The following PBX3 variants were observed in gnomAD, a reference collection of about 807,000 sequenced individuals.
The protein encoded by PBX3 is PBX homeobox 3.
In PBX3, 14 loss-of-function variants were observed where a neutral mutation model predicts 48.5. The ratio of observed to expected loss-of-function variants is 0.29; its 90% CI spans 0.19 to 0.45. The LOEUF is 0.45. Among genes scored for constraint, PBX3 ranks in the 20% least tolerant of loss-of-function variants. The pLI is 1.00. For synonymous variants in PBX3, 210 were observed against 200.3 expected, an observed-to-expected ratio of 1.05 and a Z score of -0.41; for missense variants, 386 against 546.7, an observed-to-expected ratio of 0.71 and a Z score of 2.93.
chr9:125,937,516 C>T (rs1356446708), intron 5 of PBX3, among the ~76,000 whole-genome samples: 1 of 151,988 alleles, frequency 6.6e-6, no homozygotes, highest in Non-Finnish European at 1.5e-5. Flanking sequence ...AAAAAGCAAA[C>T]TTTCTGACCT....
At chr9:125,839,839 T>A (rs1012290358) in intron 2 of PBX3, among the ~76,000 whole-genome samples, 21 of 152,180 alleles carry the variant, frequency 1.4e-4, no homozygotes, top group African/African-American at 3.6e-4. Flanking sequence ...CCTCCCTGTT[T>A]ATGGAATTGA....
chr9:125,802,611 C>T (rs1049562264), intron 2 of PBX3, among the ~76,000 whole-genome samples: 5 of 151,944 alleles, frequency 3.3e-5, no homozygotes, highest in East Asian at 1.9e-4. Context: ...TCAAGCCATC[C>T]GCCTGCTCAG....
At chr9:125,935,967 G>T (rs879406304) in intron 5 of PBX3, among the ~76,000 whole-genome samples, 1 of 152,134 alleles carries the variant, frequency 6.6e-6, no homozygotes, top group Non-Finnish European at 1.5e-5. Context: ...CTACCAGCAA[G>T]AAACCAATTT....
chr9:125,777,812 G>T (rs1837117659), intron 2 of PBX3, among the ~76,000 whole-genome samples: 1 of 152,082 alleles, frequency 6.6e-6, no homozygotes, highest in South Asian at 2.1e-4. Context: ...AAGGTAATTT[G>T]TGTGTTTCAA....
intron 8 of PBX3, 95 bp from the exon 9 acceptor site, chr9:125,965,736 C>A: frequency 2.3e-6 from 2 of 876,432 alleles, no homozygotes; most frequent in Non-Finnish European, 1.9e-6. Context: ...TTTGCTAATG[C>A]ATCTCTGCTC....
intron 2 of PBX3, among the ~76,000 whole-genome samples, chr9:125,899,212 TAC>T (rs1313749083): frequency 4.9e-5 from 6 of 121,896 alleles, no homozygotes; most frequent in Admixed American, 1.7e-4. Flanking sequence ...TTTATAAATA[TAC>T]ATATGTATAT....
intron 5 of PBX3, among the ~76,000 whole-genome samples, chr9:125,943,352 C>CAAAAAAAAAAAAAAAAAAAAAA (rs60326557): frequency 3.3e-5 from 2 of 60,880 alleles, no homozygotes; most frequent in African/African-American, 5.6e-5. Context: ...GAGACTGTCT[C>CAAAAAAAAAAAAAAAAAAAAAA]AAAAAAAAAA....
chr9:125,780,640 G>A (rs1348603347), intron 2 of PBX3, among the ~76,000 whole-genome samples: 2 of 132,756 alleles, frequency 1.5e-5, no homozygotes, highest in Admixed American at 7.3e-5. Context: ...CCGGGCGGGG[G>A]GCTGACCCCC....
chr9:125,893,251 A>T (rs984808869), intron 2 of PBX3, among the ~76,000 whole-genome samples: 2 of 152,242 alleles, frequency 1.3e-5, no homozygotes, highest in Non-Finnish European at 2.9e-5. Flanking sequence ...GATGTCCTAC[A>T]TAAGAATAAG....
intron 2 of PBX3, among the ~76,000 whole-genome samples, chr9:125,792,042 A>ACACGCACG (rs34328835): frequency 1.4e-5 from 2 of 143,152 alleles, no homozygotes; most frequent in Non-Finnish European, 3.0e-5. Flanking sequence ...CTACACACAC[A>ACACGCACG]CACGCACGCA....
intron 3 of PBX3, among the ~76,000 whole-genome samples, chr9:125,921,449 A>G (rs932595263): frequency 1.3e-5 from 2 of 152,200 alleles, no homozygotes; most frequent in African/African-American, 4.8e-5. Flanking sequence ...TATGAATTTC[A>G]TAAAATTACC....
chr9:125,949,483 G>T (rs776682777), intron 5 of PBX3: 5 of 1,550,018 alleles, frequency 3.2e-6, no homozygotes, highest in Non-Finnish European at 3.5e-6. Context: ...CCAGGGAGGG[G>T]CATGAGGGTG....
At chr9:125,899,896 C>T (rs181404928) in intron 2 of PBX3, among the ~76,000 whole-genome samples, 39 of 151,548 alleles carry the variant, frequency 2.6e-4, no homozygotes, top group Admixed American at 5.9e-4. Flanking sequence ...GTATATGTAA[C>T]GAATAAAGAA....
At chr9:125,791,809 G>T (rs1385477274) in intron 2 of PBX3, among the ~76,000 whole-genome samples, 1 of 151,830 alleles carries the variant, frequency 6.6e-6, no homozygotes, top group Non-Finnish European at 1.5e-5. Context: ...GGTGGCAGGC[G>T]CCTGTAGTCC....
At chr9:125,875,131 C>T (rs1179100002) in intron 2 of PBX3, among the ~76,000 whole-genome samples, 1 of 152,162 alleles carries the variant, frequency 6.6e-6, no homozygotes, top group Non-Finnish European at 1.5e-5. Flanking sequence ...TTTGGGGATA[C>T]ATGGAACTCC....
At chr9:125,947,098 TG>T in intron 5 of PBX3, among the ~76,000 whole-genome samples, 1 of 152,254 alleles carries the variant, frequency 6.6e-6, no homozygotes, top group East Asian at 1.9e-4. Context: ...CCTTTGATAG[TG>T]GAGGTGAAAT....
chr9:125,829,928 T>G, intron 2 of PBX3, among the ~76,000 whole-genome samples: 1 of 152,174 alleles, frequency 6.6e-6, no homozygotes, highest in East Asian at 1.9e-4. Context: ...ATTTACACAT[T>G]AGTTACCCAC....
At chr9:125,771,297 C>G (rs1836935548) in intron 2 of PBX3, among the ~76,000 whole-genome samples, 1 of 152,170 alleles carries the variant, frequency 6.6e-6, no homozygotes, top group African/African-American at 2.4e-5. Flanking sequence ...TCAAACAATG[C>G]TGTAAACTTT....
chr9:125,938,849 T>A (rs567938364), intron 5 of PBX3, among the ~76,000 whole-genome samples: 1 of 152,326 alleles, frequency 6.6e-6, no homozygotes, highest in African/African-American at 2.4e-5. Flanking sequence ...AATTGATAAT[T>A]GTACTATGGT....
Sources: gnomAD v4.1 joint callset for allele counts (sites outside exome capture counted in the v4.1 genomes callset) on GRCh38, gnomAD v4.1.1 for gene constraint, MANE v1.5 for transcripts, NCBI Gene and HGNC (gene_info 2026-07-23, HGNC 2026-07-21) for gene names.